ABHD18: variants seen among roughly 807,000 people sequenced by gnomAD.
ABHD18 encodes the protein abhydrolase domain containing 18, also known as cardiolipin-specific deacylase, mitochondrial.
In ABHD18, 55 loss-of-function variants were observed where a neutral mutation model predicts 65.9. The ratio of observed to expected loss-of-function variants is 0.84; its 90% CI spans 0.67 to 1.05. The LOEUF is 1.05. ABHD18 is among the 50% of genes least tolerant of loss of function. The probability of loss-of-function intolerance (pLI) is 0.00; values close to 1 mark genes in which losing one functional copy is unlikely to be tolerated. For synonymous variants in ABHD18, 181 were observed against 180.2 expected (o/e 1.00, Z -0.04); for missense variants, 533 against 558.5 (o/e 0.95, Z 0.46).
At chr4:127,973,817 C>CAAAAA (rs57170719) in intron 1 of ABHD18, among the ~76,000 whole-genome samples, 15 of 16,640 alleles carry the variant, frequency 9.0e-4, no homozygotes, top group Admixed American at 2.9e-3. Flanking sequence ...TGATGAACAG[C>CAAAAA]AAAAAAAAAA....
intron 1 of ABHD18, among the ~76,000 whole-genome samples, chr4:127,974,237 G>A (rs111589558): frequency 9.9e-5 from 12 of 120,822 alleles, no homozygotes; most frequent in South Asian, 5.3e-4. Context: ...TTACTCTGTC[G>A]CCCACGCTGG....
intron 10 of ABHD18, among the ~76,000 whole-genome samples, chr4:128,022,116 T>C (rs1205801776): frequency 6.6e-6 from 1 of 152,130 alleles, no homozygotes; most frequent in Non-Finnish European, 1.5e-5. Flanking sequence ...CATTAGGAGA[T>C]ATACCTAATA....
Position 128,035,823 on chromosome 4 carries a change from T to C in ABHD18, c.*10T>C. Reference sequence around the variant, plus strand: ...TAAATACGCTAACTAGTTGGATTATTATATGTAACCAGTGTGGCCATGATG... The same window carrying C: ...TAAATACGCTAACTAGTTGGATTATCATATGTAACCAGTGTGGCCATGATG... On this transcript the variant is annotated 3_prime_UTR_variant, in exon 13 of 13. Coordinates refer to ENST00000645843, the MANE Select transcript of ABHD18 (RefSeq NM_001358451.3). 6.6e-7 allele frequency: 1 copy of C among 1,519,324 alleles called. No individual in the cohort carries two copies. The highest frequency in any genetic ancestry group is 1.4e-5 in the African/African-American group (1 of 72,558). The allele number at this position is 1,519,324 out of a possible 1,614,324, so 94.1% of individuals were successfully genotyped here.
chr4:128,035,812 A>G lies in ABHD18; in HGVS notation c.1394A>G (p.Ter465TrpextTer6). The part of the protein sequence containing the change: ...FDRFLHKYAN[*>W] Reference sequence around the variant, plus strand: ...CGCTTCCTCCATAAATACGCTAACTAGTTGGATTATTATATGTAACCAGTG... The same window carrying G: ...CGCTTCCTCCATAAATACGCTAACTGGTTGGATTATTATATGTAACCAGTG... Residue 465 changes from the stop codon to tryptophan, a stop_lost, in exon 13 of 13, where the codon TAG (stop) becomes TGG (tryptophan). Transcript: ENST00000645843. 2.0e-6 allele frequency: 3 copies of G among 1,532,558 alleles called. No homozygotes were observed. The highest frequency in any genetic ancestry group is 2.6e-6 in the Non-Finnish European group (3 of 1,133,306). The allele number at this position is 1,532,558 out of a possible 1,614,324, so 94.9% of individuals were successfully genotyped here.
chr4:128,001,613 C>A, intron 4 of ABHD18: 1 of 1,108,706 alleles, frequency 9.0e-7, no homozygotes, highest in Non-Finnish European at 1.2e-6. Flanking sequence ...CCTTTATTAT[C>A]CCTCATACTT....
chr4:127,971,038 G>A (rs1443775591), intron 1 of ABHD18, among the ~76,000 whole-genome samples: 1 of 151,076 alleles, frequency 6.6e-6, no homozygotes, highest in East Asian at 1.9e-4. Context: ...TCGTGCCACT[G>A]CATTCCAGCC....
chr4:127,986,968 G>A (rs1750072588), intron 3 of ABHD18, among the ~76,000 whole-genome samples: 1 of 152,140 alleles, frequency 6.6e-6, no homozygotes, highest in Non-Finnish European at 1.5e-5. Context: ...TTCTAAAATT[G>A]TTTATTCTTA....
chr4:128,017,260 C>A, intron 7 of ABHD18, 103 bp from the exon 8 acceptor site: 1 of 1,109,056 alleles, frequency 9.0e-7, no homozygotes, highest in Non-Finnish European at 1.3e-6. Context: ...CTATCTGGTC[C>A]TTTAGAAGAG....
At chr4:127,999,085 A>G (rs1012656805) in intron 4 of ABHD18, among the ~76,000 whole-genome samples, 3 of 151,796 alleles carry the variant, frequency 2.0e-5, no homozygotes, top group Admixed American at 6.6e-5. Flanking sequence ...TTTAAAAAAC[A>G]TGAGCCTGGC....
intron 10 of ABHD18, among the ~76,000 whole-genome samples, chr4:128,023,403 CAAAAAAAAAAAAAAAAAAAAAA>C (rs59549849): frequency 4.4e-5 from 2 of 44,950 alleles, no homozygotes; most frequent in Non-Finnish European, 7.3e-5. Flanking sequence ...CTTGTCTCTA[CAAAAAAAAAAAAAAAAAAAAAA>C]AAAAAAAAAG....
chr4:128,003,802 T>C (rs903152480), intron 4 of ABHD18, among the ~76,000 whole-genome samples: 1 of 151,806 alleles, frequency 6.6e-6, no homozygotes, highest in Non-Finnish European at 1.5e-5. Flanking sequence ...AAAAATAGCC[T>C]GGTGTGGTGG....
At chr4:127,999,643 G>T (rs1047106827) in intron 4 of ABHD18, among the ~76,000 whole-genome samples, 17 of 152,000 alleles carry the variant, frequency 1.1e-4, no homozygotes, top group Non-Finnish European at 1.0e-4. Flanking sequence ...AGGTTATTTG[G>T]TTTTTGTTAA....
At chr4:128,030,914 C>A in intron 12 of ABHD18, 3 of 1,179,314 alleles carry the variant, frequency 2.5e-6, no homozygotes, top group South Asian at 3.4e-5. Flanking sequence ...TGTGGCTTTC[C>A]CCTCTTCAAA....
chr4:127,969,087 T>G (rs1459232381), intron 1 of ABHD18, among the ~76,000 whole-genome samples: 1 of 152,220 alleles, frequency 6.6e-6, no homozygotes, highest in African/African-American at 2.4e-5. Flanking sequence ...ATTAGTTGTT[T>G]ATTAGTAGGT....
chr4:128,004,681 C>T (rs1298482542), intron 4 of ABHD18, among the ~76,000 whole-genome samples: 5 of 151,828 alleles, frequency 3.3e-5, no homozygotes, highest in East Asian at 3.9e-4. Context: ...GAGACCAAGG[C>T]GGGTGGATCA....
At chr4:127,989,099 G>A (rs573465228) in intron 3 of ABHD18, among the ~76,000 whole-genome samples, 28 of 152,282 alleles carry the variant, frequency 1.8e-4, no homozygotes, top group African/African-American at 6.7e-4. Context: ...CCATAAAAAA[G>A]AATGAAATAT....
chr4:127,967,708 GAA>G (rs796595535), intron 1 of ABHD18, among the ~76,000 whole-genome samples: 1 of 129,660 alleles, frequency 7.7e-6, no homozygotes. Context: ...GTACCAGTAG[GAA>G]AAAAAAAAAA....
intron 9 of ABHD18, among the ~76,000 whole-genome samples, chr4:128,020,619 A>C (rs11931314): frequency 0.029 from 4,455 of 152,264 alleles, 204 homozygotes; most frequent in African/African-American, 0.1. Flanking sequence ...TTATATAAGC[A>C]GTTTAGGTAC....
chr4:128,009,196 C>T lies in ABHD18; in HGVS notation c.442+5C>T. 4.2e-6 allele frequency: 6 copies of T among 1,434,092 alleles called. No homozygotes were observed. Among genetic ancestry groups the T allele is most frequent in the Non-Finnish European group, 5.5e-6 (6 of 1,090,176 alleles). 88.8% of individuals were successfully genotyped at this position (1,434,092 alleles called of 1,614,324 possible). A position where few individuals can be genotyped will look rare whatever the true frequency, so the allele number is the denominator to read the frequency against. Reference sequence around the variant, plus strand: ...TATTGTTAGAAAACCCTTATTATATCCTTTTGTGATATCTAAGAAATCTTT... The same window carrying T: ...TATTGTTAGAAAACCCTTATTATATTCTTTTGTGATATCTAAGAAATCTTT... On this transcript the variant is annotated splice_donor_5th_base_variant and intron_variant, in intron 6 of 12. Coordinates refer to ENST00000645843, the MANE Select transcript of ABHD18 (RefSeq NM_001358451.3).
Sources: allele counts gnomAD v4.1 joint callset (sites outside exome capture counted in the v4.1 genomes callset), GRCh38; gene constraint gnomAD v4.1.1; transcripts MANE v1.5; gene names NCBI Gene and HGNC (gene_info 2026-07-23, HGNC 2026-07-21).